POLI: variants seen among roughly 807,000 people sequenced by gnomAD.
POLI encodes the protein DNA polymerase iota.
In POLI, 58 loss-of-function variants were observed where a neutral mutation model predicts 51.6. The observed-to-expected ratio is 1.12, with a 90% CI of 0.91 to 1.40. The LOEUF (loss-of-function observed/expected upper bound fraction) is 1.40. Among genes scored for constraint, POLI ranks in the 40% most tolerant of loss-of-function variants. The pLI is 0.00. For missense variants in POLI, 921 were observed against 871.3 expected (o/e 1.06, Z -0.72); for synonymous variants, 322 against 299.7 (o/e 1.07, Z -0.77).
chr18:54,295,650 C>CA lies in POLI; in HGVS notation c.*1184dup, dbSNP rs1357994883. 1.7e-5 allele frequency: 8 copies of CA among 484,318 alleles called. No homozygotes were observed. In the East Asian group the frequency reaches 6.0e-4, roughly 36 times the overall value. The allele number at this position is 484,318 out of a possible 1,614,324, so 30.0% of individuals were successfully genotyped here. On this transcript the variant is annotated 3_prime_UTR_variant, in exon 10 of 10. Transcript: ENST00000579534. ...TTTCTTTCTTTTTTTGTTTTGGAGA[C>CA]AGAGTCTCACTCTGTCGCCCAGGGT... is the stretch of plus-strand genomic sequence containing the variant.
chr18:54,317,983 C>A (rs1301998127), intron 3 of POLI, among the ~76,000 whole-genome samples: 1 of 152,080 alleles, frequency 6.6e-6, no homozygotes, highest in Admixed American at 6.6e-5. Context: ...AAAACCTATT[C>A]TAAGATTTAA....
At chr18:54,304,852 A>T (rs1305514746) in intron 3 of POLI, among the ~76,000 whole-genome samples, 1 of 152,190 alleles carries the variant, frequency 6.6e-6, no homozygotes, top group East Asian at 1.9e-4. Flanking sequence ...TATGTCCTGA[A>T]TGATATTGCC....
chr18:54,301,107 G>A (rs1253670679), downstream of POLI, among the ~76,000 whole-genome samples: 6 of 151,970 alleles, frequency 3.9e-5, no homozygotes, highest in African/African-American at 1.4e-4. Context: ...CTGAAACCCC[G>A]TCTCTACTAA....
In POLI at chr18:54,295,977, T is replaced by A. The variant is rs996176806; in HGVS notation, c.*1510T>A. The A allele has an allele frequency of 1.0e-6, 1 of 985,146 alleles. No homozygotes were observed. Among genetic ancestry groups the A allele is most frequent in the Non-Finnish European group, 1.2e-6 (1 of 829,818 alleles). 61.0% of individuals were successfully genotyped at this position (985,146 alleles called of 1,614,324 possible). A position where few individuals can be genotyped will look rare whatever the true frequency, so the allele number is the denominator to read the frequency against. On this transcript the variant is annotated 3_prime_UTR_variant, in exon 10 of 10. Coordinates refer to ENST00000579534, the MANE Select transcript of POLI (RefSeq NM_007195.3). ...TTGGATTCCTTGGAATTTGAAAATA[T>A]GCTAACACGAAGGATTGTAAATAGG...
rs1017943978 is a variant in POLI, at chr18:54,297,369, A to G, written c.*2902A>G. 1.9e-5 allele frequency: 19 copies of G among 981,390 alleles called. No homozygotes were observed. Among genetic ancestry groups the G allele is most frequent in the Non-Finnish European group, 1.9e-5 (16 of 828,066 alleles). The allele number at this position is 981,390 out of a possible 1,614,324, so 60.8% of individuals were successfully genotyped here. A position where few individuals can be genotyped will look rare whatever the true frequency, so the allele number is the denominator to read the frequency against. ...TTTTTTCTGTTTCTCTCTTGAGTGT[A>G]TAGTGTAGAGGGGGTTTCTGTCTTG... is the stretch of plus-strand genomic sequence containing the variant. On this transcript the variant is annotated 3_prime_UTR_variant, in exon 10 of 10. Transcript: ENST00000579534.
intron 3 of POLI, chr18:54,311,212 C>A: frequency 4.4e-6 from 2 of 450,540 alleles, no homozygotes; most frequent in Non-Finnish European, 2.9e-6. Context: ...AATTGAGAAG[C>A]TGCTGTTGCC....
At chr18:54,308,445 C>T (rs569240401) in intron 3 of POLI, among the ~76,000 whole-genome samples, 43 of 152,288 alleles carry the variant, frequency 2.8e-4, no homozygotes, top group East Asian at 7.7e-4. Context: ...TTCTGCCGAG[C>T]GATCCGCTGT....
intron 2 of POLI, among the ~76,000 whole-genome samples, 188 bp from the exon 3 acceptor site, chr18:54,273,738 G>T (rs1284527977): frequency 1.3e-5 from 2 of 152,076 alleles, no homozygotes; most frequent in African/African-American, 4.8e-5. Context: ...GAGATAGCTT[G>T]AAAACCTAAT....
At chr18:54,307,729 G>A (rs1244260157) in intron 3 of POLI, among the ~76,000 whole-genome samples, 3 of 152,160 alleles carry the variant, frequency 2.0e-5, no homozygotes, top group African/African-American at 7.2e-5. Context: ...AAGTCTCTTT[G>A]TAGATCACTA....
chr18:54,310,485 A>ATTT (rs5825068), intron 3 of POLI, among the ~76,000 whole-genome samples: 3 of 147,508 alleles, frequency 2.0e-5, no homozygotes, highest in Middle Eastern at 3.6e-3. Context: ...ATTACCTACT[A>ATTT]TTTTTTTTTT....
In POLI at chr18:54,293,857, A is replaced by G; in HGVS notation, c.1613A>G (p.Asp538Gly). ...GAAGTCTTCAAGCAGCTTCCAGTAGATATTCAAGAAGAAATCCTTTCTGGA... is the reference window on the plus strand; with the variant it reads ...GAAGTCTTCAAGCAGCTTCCAGTAGGTATTCAAGAAGAAATCCTTTCTGGA... ...DQEVFKQLPV[D>G]IQEEILSGKS... The change falls in exon 10 of 10, where the codon GAT becomes GGT. Residue 538 changes from aspartate to glycine, a missense_variant. Asp to Gly is a moderately conservative substitution (Grantham distance 94). Transcript: ENST00000579534. The G allele has an allele frequency of 6.2e-7, 1 of 1,611,646 alleles. No homozygotes were observed. Among genetic ancestry groups the G allele is most frequent in the South Asian group, 1.1e-5 (1 of 90,804 alleles).
Position 54,280,789 on chromosome 18 carries a change from A to C in POLI, c.682A>C (p.Lys228Gln), listed in dbSNP as rs2087463320. The C allele has an allele frequency of 6.2e-7, 1 of 1,613,704 alleles. No homozygotes were observed. The highest frequency in any genetic ancestry group is 8.5e-7 in the Non-Finnish European group (1 of 1,179,766). The change falls in exon 5 of 10, where the codon AAA becomes CAA. Residue 228 changes from lysine (K) to glutamine (Q), a missense_variant. By Grantham distance (53) the Lys-to-Gln change is moderately conservative (BLOSUM62 1). Coordinates refer to ENST00000579534, the MANE Select transcript of POLI (RefSeq NM_007195.3). ...TGGCTGTGCTGGAGTGGCTTCTAAT[A>C]AACTGTTGGCAAAATTAGTTTCTGG... ...LTGCAGVASN[K>Q]LLAKLVSGVF...
chr18:54,299,608 AAC>A (rs999643642), downstream of POLI, among the ~76,000 whole-genome samples: 7 of 152,190 alleles, frequency 4.6e-5, no homozygotes, highest in Admixed American at 4.6e-4. Context: ...AAAAATAATA[AAC>A]ACAGCATCTG....
At chr18:54,316,035 C>T (rs1482249187) in intron 3 of POLI, among the ~76,000 whole-genome samples, 1 of 152,108 alleles carries the variant, frequency 6.6e-6, no homozygotes, top group African/African-American at 2.4e-5. Context: ...CCTGCCTCAG[C>T]CTCCTGAGTA....
At chr18:54,304,160 T>C (rs1026059809) in intron 3 of POLI, among the ~76,000 whole-genome samples, 2 of 152,190 alleles carry the variant, frequency 1.3e-5, no homozygotes, top group African/African-American at 2.4e-5. Context: ...CAGTCTATCA[T>C]TGATGGACAT....
chr18:54,277,001 T>G (rs1232070886), intron 3 of POLI, among the ~76,000 whole-genome samples: 1 of 152,220 alleles, frequency 6.6e-6, no homozygotes, highest in Non-Finnish European at 1.5e-5. Flanking sequence ...AAGTTATTAG[T>G]CTCAATGTTA....
At chr18:54,274,372 G>A (rs1021197356) in intron 3 of POLI, among the ~76,000 whole-genome samples, 3 of 151,888 alleles carry the variant, frequency 2.0e-5, no homozygotes, top group African/African-American at 7.3e-5. Context: ...GTGAGAAAAT[G>A]GGAAACTGTA....
Position 54,289,139 on chromosome 18 carries a change from C to T in POLI, c.1198+1728C>T, listed in dbSNP as rs180773988. On this transcript the variant is annotated intron_variant, in intron 8 of 9. Coordinates refer to ENST00000579534, the MANE Select transcript of POLI (RefSeq NM_007195.3). ...CTTCTTTTTAGGTAACTTGTCTGAACGTAATCTGCAGAATTTACCTCCCCT... is the reference window on the plus strand; with the variant it reads ...CTTCTTTTTAGGTAACTTGTCTGAATGTAATCTGCAGAATTTACCTCCCCT... 9.6e-4 allele frequency among the ~76,000 whole-genome samples: 143 copies of T among 148,350 alleles called. 1 individual carries two copies. Among genetic ancestry groups the T allele is most frequent in the African/African-American group, 3.3e-3 (134 of 40,608 alleles).
chr18:54,313,532 A>C (rs1441406951), intron 3 of POLI, among the ~76,000 whole-genome samples: 1 of 152,068 alleles, frequency 6.6e-6, no homozygotes, highest in East Asian at 1.9e-4. Flanking sequence ...TGAATCTGTA[A>C]ATTACTCTGG....
Sources: allele counts gnomAD v4.1 joint callset (sites outside exome capture counted in the v4.1 genomes callset), GRCh38; gene constraint gnomAD v4.1.1; transcripts MANE v1.5; gene names NCBI Gene and HGNC (gene_info 2026-07-23, HGNC 2026-07-21).